ARK2N: variants seen among roughly 807,000 people sequenced by gnomAD.
ARK2N encodes protein ARK2N.
the ARK2N span, among the ~76,000 whole-genome samples, chr18:46,250,491 T>TACACACACACACACAC: frequency 0.035 from 4,519 of 129,668 alleles, 147 homozygotes; most frequent in Middle Eastern, 0.044. Flanking sequence ...CCTCCATTCG[T>TACACACACACACACAC]ACACACACAC....
chr18:46,176,138 C>T, the ARK2N span, among the ~76,000 whole-genome samples: 38 of 152,160 alleles, frequency 2.5e-4, no homozygotes, highest in Non-Finnish European at 4.3e-4. Context: ...TACTTTCAGT[C>T]TCTTTATTGT....
At chr18:46,262,892 G>A in the ARK2N span, 1 of 1,595,242 alleles carries the variant, frequency 6.3e-7, no homozygotes, top group African/African-American at 1.3e-5. Flanking sequence ...TCCTGTGGTG[G>A]AATTAACCAT....
chr18:46,222,118 A>T, the ARK2N span, among the ~76,000 whole-genome samples: 1 of 152,216 alleles, frequency 6.6e-6, no homozygotes. Context: ...AGCCCCATTC[A>T]ATCAGAATCT....
chr18:46,234,473 C>T, the ARK2N span, among the ~76,000 whole-genome samples: 1 of 152,180 alleles, frequency 6.6e-6, no homozygotes, highest in African/African-American at 2.4e-5. Flanking sequence ...TGCTGGATTA[C>T]AGGCGTGAGC....
chr18:46,244,462 C>T, the ARK2N span, among the ~76,000 whole-genome samples: 3 of 151,974 alleles, frequency 2.0e-5, no homozygotes, highest in African/African-American at 7.3e-5. Context: ...AGAAATGAAT[C>T]CTGGGTTTCC....
the ARK2N span, chr18:46,263,060 C>T: frequency 6.2e-7 from 1 of 1,614,162 alleles, no homozygotes; most frequent in Non-Finnish European, 8.5e-7. Context: ...TGGGCTTCAC[C>T]AGCAGAAGTT....
At chr18:46,195,559 C>CTTTTTTTTT in the ARK2N span, among the ~76,000 whole-genome samples, 32 of 72,686 alleles carry the variant, frequency 4.4e-4, 1 homozygote, top group African/African-American at 1.9e-3. Flanking sequence ...CCCACATAAA[C>CTTTTTTTTT]TTTTTTTTTT....
At chr18:46,177,726 C>A in the ARK2N span, among the ~76,000 whole-genome samples, 1 of 151,932 alleles carries the variant, frequency 6.6e-6, no homozygotes, top group Non-Finnish European at 1.5e-5. Context: ...CGTGCCCGGC[C>A]TTGAGAGCCC....
the ARK2N span, among the ~76,000 whole-genome samples, chr18:46,223,756 A>G: frequency 6.6e-6 from 1 of 152,206 alleles, no homozygotes; most frequent in Non-Finnish European, 1.5e-5. Context: ...CTTTGGGGAT[A>G]CAACAGTGAA....
chr18:46,187,384 C>T, the ARK2N span, among the ~76,000 whole-genome samples: 28 of 151,314 alleles, frequency 1.9e-4, no homozygotes, highest in Admixed American at 9.2e-4. Flanking sequence ...CTCTGTCACC[C>T]GGGCTGGAGT....
chr18:46,218,426 G>A, the ARK2N span: 1 of 152,104 alleles, frequency 6.6e-6, no homozygotes, highest in South Asian at 2.1e-4. Context: ...GGTAATCCTG[G>A]AGAATCAAAT....
the ARK2N span, among the ~76,000 whole-genome samples, chr18:46,255,246 A>G: frequency 3.9e-5 from 6 of 152,256 alleles, no homozygotes; most frequent in Admixed American, 3.9e-4. Context: ...AAGGATGTAG[A>G]GTTAATTTGT....
chr18:46,221,383 TA>T, the ARK2N span, among the ~76,000 whole-genome samples: 1 of 139,880 alleles, frequency 7.1e-6, no homozygotes, highest in Non-Finnish European at 1.5e-5. Flanking sequence ...CCATCTCTAC[TA>T]AAAATACAAA....
At chr18:46,252,442 T>G in the ARK2N span, among the ~76,000 whole-genome samples, 8 of 152,028 alleles carry the variant, frequency 5.3e-5, no homozygotes, top group South Asian at 6.2e-4. Flanking sequence ...GCCCAGCTAA[T>G]TTTTGTATTT....
At chr18:46,199,089 G>T in the ARK2N span, among the ~76,000 whole-genome samples, 5 of 152,140 alleles carry the variant, frequency 3.3e-5, no homozygotes, top group African/African-American at 1.2e-4. Flanking sequence ...AAAGATTATG[G>T]ATTTTAAAGC....
At chr18:46,189,785 G>A in the ARK2N span, among the ~76,000 whole-genome samples, 5 of 152,122 alleles carry the variant, frequency 3.3e-5, no homozygotes, top group Non-Finnish European at 7.4e-5. Flanking sequence ...GATCGCTTGA[G>A]CCTGAGGGTT....
At chr18:46,226,065 A>T in the ARK2N span, among the ~76,000 whole-genome samples, 5 of 152,210 alleles carry the variant, frequency 3.3e-5, no homozygotes, top group Admixed American at 2.6e-4. Flanking sequence ...GGGGGACCTC[A>T]TAGTTAACTG....
the ARK2N span, among the ~76,000 whole-genome samples, chr18:46,179,315 T>C: frequency 6.6e-6 from 1 of 152,218 alleles, no homozygotes; most frequent in Admixed American, 6.6e-5. Context: ...GGTCATCAGA[T>C]TAAATAAATC....
chr18:46,216,359 C>T, the ARK2N span: 1 of 1,614,032 alleles, frequency 6.2e-7, no homozygotes, highest in Admixed American at 1.7e-5. The surrounding 1 kb of genome is among the most constrained non-coding windows in gnomAD (Gnocchi z 4.3). Flanking sequence ...AACCGGCAAT[C>T]CAGTGATAAA....
Sources: gnomAD v4.1 joint callset for allele counts (sites outside exome capture counted in the v4.1 genomes callset) on GRCh38, gnomAD v4.1.1 for gene constraint, Gnocchi (gnomAD v3.1) non-coding constraint, MANE v1.5 for transcripts, NCBI Gene and HGNC (gene_info 2026-07-23, HGNC 2026-07-21) for gene names.